Variants in FAR2 observed in about 807,000 individuals in gnomAD.
FAR2 encodes epididymis secretory protein Li 81.
In FAR2, 19 loss-of-function variants were observed where a neutral mutation model predicts 56.0. That is an observed-to-expected ratio of 0.34 (90% CI 0.24 to 0.50). The LOEUF (loss-of-function observed/expected upper bound fraction) is 0.50, where lower values mean the gene tolerates loss of function less well. FAR2 is among the 20% of genes least tolerant of loss of function. The pLI, the probability that FAR2 is intolerant of heterozygous loss-of-function variation, is 0.98. For synonymous variants in FAR2, 219 were observed against 218.8 expected (o/e 1.00, Z -0.01); for missense variants, 508 against 642.2 (o/e 0.79, Z 2.26).
intron 1 of FAR2, among the ~76,000 whole-genome samples, chr12:29,230,084 A>G (rs1947832044): frequency 6.6e-6 from 1 of 152,180 alleles, no homozygotes; most frequent in Non-Finnish European, 1.5e-5. Context: ...ATGACCGAAT[A>G]AACAGATGTC....
chr12:29,198,800 T>G (rs1264090078), intron 1 of FAR2, among the ~76,000 whole-genome samples: 1 of 152,186 alleles, frequency 6.6e-6, no homozygotes, highest in Non-Finnish European at 1.5e-5. Context: ...ACTATTTTCT[T>G]TCCTATGCCC....
intron 1 of FAR2, among the ~76,000 whole-genome samples, chr12:29,214,436 C>T (rs116365042): frequency 1.2e-3 from 179 of 152,206 alleles, no homozygotes; most frequent in African/African-American, 4.0e-3. Context: ...TTTCTGTCCT[C>T]GTGGAACTTA....
intron 2 of FAR2, among the ~76,000 whole-genome samples, chr12:29,286,726 T>C (rs1336897182): frequency 6.6e-6 from 1 of 152,218 alleles, no homozygotes; most frequent in Non-Finnish European, 1.5e-5. Flanking sequence ...AACTAAAATT[T>C]TGTTAAATAC....
rs117238725 is a variant in FAR2, at chr12:29,237,482, A to G, written c.-38-32930A>G. ...GAGTATTTGAAAATAGTTAGATTTC[A>G]GCCCTTGTGCACATGTCTTTAATAT... On this transcript the variant is annotated intron_variant, in intron 1 of 11. Transcript: ENST00000536681. 1.1e-4 allele frequency among the ~76,000 whole-genome samples: 17 copies of G among 152,350 alleles called. No individual in the cohort carries two copies. The East Asian group carries it at 3.3e-3, about 29-fold the overall frequency.
intron 1 of FAR2, among the ~76,000 whole-genome samples, chr12:29,243,202 T>C (rs1439336636): frequency 6.6e-6 from 1 of 152,186 alleles, no homozygotes; most frequent in Non-Finnish European, 1.5e-5. Flanking sequence ...TGGTGTTAAC[T>C]TGGAAGTGGG....
chr12:29,314,181 A>G (rs1430048429), intron 8 of FAR2, among the ~76,000 whole-genome samples: 1 of 152,226 alleles, frequency 6.6e-6, no homozygotes, highest in Admixed American at 6.5e-5. Flanking sequence ...CCTTCAGATC[A>G]GAAAGACAGT....
chr12:29,234,248 C>T (rs1947900928), intron 1 of FAR2, among the ~76,000 whole-genome samples: 1 of 152,104 alleles, frequency 6.6e-6, no homozygotes, highest in Non-Finnish European at 1.5e-5. Context: ...TATGCAAAAG[C>T]AACAGAAATT....
intron 9 of FAR2, among the ~76,000 whole-genome samples, chr12:29,319,752 G>T (rs1949521251): frequency 6.6e-6 from 1 of 152,126 alleles, no homozygotes; most frequent in Non-Finnish European, 1.5e-5. Flanking sequence ...TTCCTATTCT[G>T]TAAAATGGGC....
At chr12:29,330,686 G>C (rs1004332171) in intron 10 of FAR2, among the ~76,000 whole-genome samples, 1 of 152,132 alleles carries the variant, frequency 6.6e-6, no homozygotes, top group Non-Finnish European at 1.5e-5. Flanking sequence ...GCTAAATATA[G>C]ACTCTGGAGG....
intron 1 of FAR2, among the ~76,000 whole-genome samples, chr12:29,204,164 A>C (rs1356895482): frequency 2.0e-5 from 3 of 152,116 alleles, no homozygotes; most frequent in African/African-American, 7.2e-5. Context: ...TATAGCAGCA[A>C]GTGGGAAAGA....
intron 1 of FAR2, among the ~76,000 whole-genome samples, chr12:29,240,797 G>GTA (rs199867049): frequency 2.2e-5 from 2 of 89,796 alleles, no homozygotes; most frequent in South Asian, 3.7e-4. Context: ...GTGTGTGTAT[G>GTA]TATATTTTTT....
Position 29,207,290 on chromosome 12 carries a change from A to G in FAR2, c.-39+57883A>G, listed in dbSNP as rs76594900. ...CTTAGAAACTTCGGTTTAACAGGAA[A>G]TAAGTGTAGACACATGCTAATACTT... On this transcript the variant is annotated intron_variant, in intron 1 of 11. Coordinates refer to ENST00000536681, the MANE Select transcript of FAR2 (RefSeq NM_001271783.2). Among the ~76,000 whole-genome samples the G allele has an allele frequency of 9.6e-3, 1,465 of 152,288 alleles. 63 individuals are homozygous for G. The East Asian group carries it at 0.14, about 15-fold the overall frequency.
intron 4 of FAR2, among the ~76,000 whole-genome samples, chr12:29,305,280 C>T (rs1265056939): frequency 2.0e-5 from 3 of 151,964 alleles, no homozygotes; most frequent in Non-Finnish European, 2.9e-5. Context: ...ACTGCAGGTG[C>T]ACACCACCAT....
intron 1 of FAR2, among the ~76,000 whole-genome samples, chr12:29,213,702 A>AAG (rs1237662105): frequency 6.6e-6 from 1 of 151,772 alleles, no homozygotes; most frequent in East Asian, 1.9e-4. Context: ...AAAAAAAAAA[A>AAG]AAAAGATTAA....
intron 6 of FAR2, among the ~76,000 whole-genome samples, chr12:29,310,516 TTTTA>T (rs1187745566): frequency 1.3e-5 from 2 of 152,212 alleles, no homozygotes; most frequent in African/African-American, 4.8e-5. Flanking sequence ...AAAAGTTTTC[TTTTA>T]TTAATGGTGG....
chr12:29,227,689 G>A (rs1411232046), intron 1 of FAR2, among the ~76,000 whole-genome samples: 2 of 152,038 alleles, frequency 1.3e-5, no homozygotes, highest in Non-Finnish European at 2.9e-5. Flanking sequence ...CAAGAATACT[G>A]AAATAAGAGA....
Position 29,269,215 on chromosome 12 carries a change from C to T in FAR2, c.-38-1197C>T, listed in dbSNP as rs568497184. On this transcript the variant is annotated intron_variant, in intron 1 of 11. Coordinates refer to ENST00000536681, the MANE Select transcript of FAR2 (RefSeq NM_001271783.2). ...AAAGACAGGTGCACCTTGGGGGGGC[C>T]GTTCATAGGCCTATACCTCCAGGCG... Among the ~76,000 whole-genome samples the T allele has an allele frequency of 9.2e-5, 14 of 152,142 alleles. No homozygotes were observed. In the South Asian group the frequency reaches 2.3e-3, roughly 25 times the overall value.
intron 1 of FAR2, chr12:29,172,007 G>T (rs1949891855): frequency 6.9e-6 from 1 of 144,780 alleles, no homozygotes. Flanking sequence ...TCTGGCCGCT[G>T]CCTCATCTGG....
intron 1 of FAR2, among the ~76,000 whole-genome samples, chr12:29,162,011 T>C (rs1949785740): frequency 6.6e-6 from 1 of 152,232 alleles, no homozygotes; most frequent in Non-Finnish European, 1.5e-5. Flanking sequence ...ACGTTATATG[T>C]TCTGGATACA....
Sources: gnomAD v4.1 joint callset for allele counts (sites outside exome capture counted in the v4.1 genomes callset) on GRCh38, gnomAD v4.1.1 for gene constraint, MANE v1.5 for transcripts, NCBI Gene and HGNC (gene_info 2026-07-23, HGNC 2026-07-21) for gene names.